NMNAT2: variants seen among roughly 807,000 people sequenced by gnomAD.
NMNAT2 encodes the protein nicotinamide nucleotide adenylyltransferase 2.
NMNAT2 carries 11 observed loss-of-function variants against 41.6 expected under a neutral mutation model. The ratio of observed to expected loss-of-function variants is 0.26; its 90% confidence interval spans 0.17 to 0.44. The LOEUF (loss-of-function observed/expected upper bound fraction) is 0.44, where lower values mean the gene tolerates loss of function less well. Among genes scored for constraint, NMNAT2 ranks in the 20% least tolerant of loss-of-function variants. The pLI, the probability that NMNAT2 is intolerant of heterozygous loss-of-function variation, is 1.00. For missense variants in NMNAT2, 288 were observed against 407.7 expected, an observed-to-expected ratio of 0.71 and a Z score of 2.53; for synonymous variants, 148 against 151.2, an observed-to-expected ratio of 0.98 and a Z score of 0.16.
chr1:183,316,307 A>T (rs1320939466), intron 1 of NMNAT2, among the ~76,000 whole-genome samples: 1 of 152,172 alleles, frequency 6.6e-6, no homozygotes, highest in Admixed American at 6.5e-5. Context: ...TGTGTCACCC[A>T]GGGTCTGTTG....
At chr1:183,401,274 C>T (rs1325498924) in intron 1 of NMNAT2, among the ~76,000 whole-genome samples, 5 of 152,118 alleles carry the variant, frequency 3.3e-5, no homozygotes, top group Non-Finnish European at 7.3e-5. Context: ...AGACACTTCT[C>T]AAAAGAAGAC....
At chr1:183,400,877 C>T (rs1053268090) in intron 1 of NMNAT2, among the ~76,000 whole-genome samples, 1 of 152,174 alleles carries the variant, frequency 6.6e-6, no homozygotes, top group African/African-American at 2.4e-5. Flanking sequence ...AAAGCTGAAA[C>T]TGGATCCCTT....
At chr1:183,305,086 C>T (rs1176068961) in intron 1 of NMNAT2, among the ~76,000 whole-genome samples, 4 of 151,458 alleles carry the variant, frequency 2.6e-5, no homozygotes, top group South Asian at 4.2e-4. Flanking sequence ...TCTTGGAATT[C>T]GCCCATTGTT....
At chr1:183,335,144 G>A (rs1255356364) in intron 1 of NMNAT2, among the ~76,000 whole-genome samples, 5 of 152,104 alleles carry the variant, frequency 3.3e-5, no homozygotes, top group African/African-American at 7.2e-5. Flanking sequence ...GTTTTACTGG[G>A]CTTCTGTGAA....
At chr1:183,351,433 A>G (rs1663045349) in intron 1 of NMNAT2, among the ~76,000 whole-genome samples, 1 of 152,172 alleles carries the variant, frequency 6.6e-6, no homozygotes, top group Admixed American at 6.5e-5. Context: ...TGCTGAGGAC[A>G]CAAACTGCCA....
chr1:183,321,604 TGG>T (rs1662357312), intron 1 of NMNAT2, among the ~76,000 whole-genome samples: 1 of 152,076 alleles, frequency 6.6e-6, no homozygotes, highest in Non-Finnish European at 1.5e-5. Flanking sequence ...TAGCTGGGTA[TGG>T]TGGCATGTAC....
chr1:183,315,281 G>T (rs1265259722), intron 1 of NMNAT2, among the ~76,000 whole-genome samples: 1 of 152,062 alleles, frequency 6.6e-6, no homozygotes, highest in East Asian at 1.9e-4. Flanking sequence ...ATTTTTAAAG[G>T]GTCAATTGAT....
chr1:183,386,373 C>T (rs1648247688), intron 1 of NMNAT2, among the ~76,000 whole-genome samples: 1 of 152,046 alleles, frequency 6.6e-6, no homozygotes, highest in Non-Finnish European at 1.5e-5. Context: ...TTGAGGTGCC[C>T]TTTCAATTAC....
At chr1:183,255,662 G>GT (rs56106186) in intron 10 of NMNAT2, among the ~76,000 whole-genome samples, 1,203 of 100,898 alleles carry the variant, frequency 0.012, 25 homozygotes, top group East Asian at 0.056. Flanking sequence ...ATTCCTAAGG[G>GT]TTTTTTTTTT....
chr1:183,274,438 A>G (rs1305543686), intron 8 of NMNAT2, among the ~76,000 whole-genome samples: 2 of 151,682 alleles, frequency 1.3e-5, no homozygotes, highest in Non-Finnish European at 2.9e-5. Context: ...TAGCCTCCCA[A>G]GTAGCTGGGA....
chr1:183,249,278 C>G lies in NMNAT2; in HGVS notation c.*3363G>C, dbSNP rs1339514275. The stretch of plus-strand genomic sequence containing the variant: ...TGGGGGTGTGTGACTGAGGTACCCA[C>G]TAGCAGCACAGCCCTCCCAGAGGAC... On this transcript the variant is annotated 3_prime_UTR_variant, in exon 11 of 11. Coordinates refer to ENST00000287713, the MANE Select transcript of NMNAT2 (RefSeq NM_015039.4). 1 of 152,232 alleles carries G rather than the reference C, an allele frequency of 6.6e-6. No individual in the cohort carries two copies. The highest frequency in any genetic ancestry group is 2.4e-5 in the African/African-American group (1 of 41,462). The allele number at this position is 152,232 out of a possible 1,614,324, so 9.4% of individuals were successfully genotyped here.
intron 1 of NMNAT2, among the ~76,000 whole-genome samples, chr1:183,299,596 C>T (rs941129304): frequency 7.3e-5 from 11 of 150,936 alleles, no homozygotes; most frequent in South Asian, 2.1e-4. Context: ...GCAGGAGGCT[C>T]GCTTGACCTA....
chr1:183,413,510 A>G (rs866530482), intron 1 of NMNAT2, among the ~76,000 whole-genome samples: 8 of 151,626 alleles, frequency 5.3e-5, no homozygotes, highest in Middle Eastern at 3.4e-3. Context: ...GAAAATGATT[A>G]TAGTAGATCT....
chr1:183,338,182 G>A (rs1662718164), intron 1 of NMNAT2, among the ~76,000 whole-genome samples: 1 of 43,756 alleles, frequency 2.3e-5, no homozygotes, highest in Non-Finnish European at 4.7e-5. Flanking sequence ...AATGCTACAG[G>A]ATACAGATAG....
chr1:183,344,552 G>C (rs1420066017), intron 1 of NMNAT2, among the ~76,000 whole-genome samples: 3 of 152,148 alleles, frequency 2.0e-5, no homozygotes, highest in Non-Finnish European at 4.4e-5. Flanking sequence ...ACTTAGAGCT[G>C]GCACTTAGTA....
chr1:183,337,656 C>T (rs553495451), intron 1 of NMNAT2, among the ~76,000 whole-genome samples: 150 of 151,290 alleles, frequency 9.9e-4, no homozygotes, highest in Middle Eastern at 7.0e-3. Context: ...TATAATTATT[C>T]CTTCAAGAGT....
chr1:183,370,514 C>G (rs1266857637), intron 1 of NMNAT2, among the ~76,000 whole-genome samples: 1 of 152,146 alleles, frequency 6.6e-6, no homozygotes, highest in African/African-American at 2.4e-5. Flanking sequence ...GAACTCCTGT[C>G]CCACTTCTCC....
chr1:183,389,620 C>T (rs1038340084), intron 1 of NMNAT2, among the ~76,000 whole-genome samples: 1 of 151,228 alleles, frequency 6.6e-6, no homozygotes, highest in Admixed American at 6.6e-5. Context: ...CCTGTAGTCC[C>T]AGCTACTTGG....
At chr1:183,263,561 G>A (rs1458834612) in intron 8 of NMNAT2, among the ~76,000 whole-genome samples, 1 of 152,190 alleles carries the variant, frequency 6.6e-6, no homozygotes, top group African/African-American at 2.4e-5. Flanking sequence ...GCTCACACCT[G>A]TAATCCCAGC....
Sources: gnomAD v4.1 joint callset for allele counts (sites outside exome capture counted in the v4.1 genomes callset) on GRCh38, gnomAD v4.1.1 for gene constraint, MANE v1.5 for transcripts, NCBI Gene and HGNC (gene_info 2026-07-23, HGNC 2026-07-21) for gene names.